The following TMEM234 variants were observed in gnomAD, a reference collection of about 807,000 sequenced individuals.
TMEM234 encodes chromosome 1 open reading frame 91.
Under a neutral mutation model 17.8 loss-of-function variants are expected in TMEM234, and 21 were observed. The ratio of observed to expected loss-of-function variants is 1.18; its 90% CI spans 0.84 to 1.70. TMEM234 has a LOEUF of 1.70. Among genes scored for constraint, TMEM234 ranks in the 40% most tolerant of loss-of-function variants. The pLI is 0.00. For missense variants in TMEM234, 137 were observed against 166.9 expected, an observed-to-expected ratio of 0.82 and a Z score of 0.99; for synonymous variants, 83 against 73.5, an observed-to-expected ratio of 1.13 and a Z score of -0.66.
downstream of TMEM234, chr1:32,215,235 A>C (rs1638278263): frequency 1.7e-6 from 1 of 599,816 alleles, no homozygotes; most frequent in Non-Finnish European, 2.9e-6. Flanking sequence ...GGCAGTGCTT[A>C]AAGCGATAAG....
chr1:32,222,169 G>T, intron 1 of TMEM234, 138 bp downstream of exon 1: 7 of 1,503,098 alleles, frequency 4.7e-6, no homozygotes, highest in Non-Finnish European at 5.3e-6. Context: ...GCAGGCCCAG[G>T]GAAGCTAGGG....
chr1:32,215,786 C>G (rs1415907874), downstream of TMEM234: 1 of 1,543,802 alleles, frequency 6.5e-7, no homozygotes, highest in Admixed American at 2.0e-5. Flanking sequence ...TCTGTATGGC[C>G]TTCCACCTCC....
chr1:32,219,517 T>A (rs1638702646), intron 3 of TMEM234, among the ~76,000 whole-genome samples: 1 of 152,098 alleles, frequency 6.6e-6, no homozygotes, highest in East Asian at 1.9e-4. Flanking sequence ...CTCAGCCTCC[T>A]GAGCAGCTAG....
intron 1 of TMEM234, 134 bp from the exon 2 acceptor site, chr1:32,222,152 G>C (rs1300036811): frequency 7.3e-6 from 11 of 1,500,998 alleles, no homozygotes; most frequent in African/African-American, 2.8e-5. Flanking sequence ...TGCGACTGGC[G>C]GCTAAGGCAG....
At chr1:32,221,520 T>C (rs879746965) in intron 2 of TMEM234, among the ~76,000 whole-genome samples, 1 of 152,112 alleles carries the variant, frequency 6.6e-6, no homozygotes, top group Non-Finnish European at 1.5e-5. Context: ...GCAGGGCCAA[T>C]TTGAGCCCCA....
In TMEM234 at chr1:32,217,352, C is replaced by T. The variant is rs202213164; in HGVS notation, c.236-1G>A. ...CAGATGGGCACAGCCAGGGTCAGAT[C>T]TGGGTGGTCAGAATGAAAAGAATGC... On this transcript the variant is annotated splice_acceptor_variant, in intron 3 of 4. Transcript: ENST00000309777. LOFTEE classifies it high-confidence loss of function. The T allele has an allele frequency of 1.2e-6, 2 of 1,604,928 alleles. No individual in the cohort carries two copies. Among genetic ancestry groups the T allele is most frequent in the East Asian group, 2.2e-5 (1 of 44,682 alleles).
At chr1:32,217,094 G>T in intron 4 of TMEM234, 147 bp from the exon 5 acceptor site, 6 of 1,565,110 alleles carry the variant, frequency 3.8e-6, no homozygotes, top group Non-Finnish European at 5.2e-6. Flanking sequence ...CAGGGGAAGG[G>T]AACTCTGATG....
intron 3 of TMEM234, among the ~76,000 whole-genome samples, chr1:32,220,221 G>A (rs956900165): frequency 1.3e-5 from 2 of 152,116 alleles, no homozygotes; most frequent in African/African-American, 2.4e-5. Context: ...GTTGCCCAGG[G>A]ACTGGAGTGC....
At chr1:32,222,086 C>T (rs1438464419) in intron 1 of TMEM234, 68 bp from the exon 2 acceptor site, 1 of 1,514,300 alleles carries the variant, frequency 6.6e-7, no homozygotes, top group East Asian at 2.3e-5. Flanking sequence ...CCTCTCCTGG[C>T]CTTCTAGCCC....
In TMEM234 at chr1:32,221,192, C is replaced by T; in HGVS notation, c.174G>A (p.Leu58=). ...MKTLFLNTEY[L]MPFLLNQCGS... ...CACACTGGTTGAGGAGAAAGGGCAT[C>T]AGGTACTGGAAAGAGGAGAAACCTG... Residue 58 remains leucine (L), a synonymous_variant, in exon 3 of 5, where the codon CTG becomes CTA. Coordinates refer to ENST00000309777, the MANE Select transcript of TMEM234 (RefSeq NM_019118.5). 1 of 1,613,268 alleles carries T rather than the reference C, an allele frequency of 6.2e-7. No individual in the cohort carries two copies. The highest frequency in any genetic ancestry group is 8.5e-7 in the Non-Finnish European group (1 of 1,179,654).
chr1:32,221,287 G>A lies in TMEM234; in HGVS notation c.169-90C>T, dbSNP rs907642238. On this transcript the variant is annotated intron_variant, in intron 2 of 4. Coordinates refer to ENST00000309777, the MANE Select transcript of TMEM234 (RefSeq NM_019118.5). Reference sequence around the variant, plus strand: ...CTCCTAGCGAATGTCTTTCCTTGGAGGGAGGCAGGGTTATAAGGACCCAGA... The same window carrying A: ...CTCCTAGCGAATGTCTTTCCTTGGAAGGAGGCAGGGTTATAAGGACCCAGA... 5.4e-5 allele frequency: 55 copies of A among 1,020,264 alleles called. 1 individual carries two copies. The highest frequency in any genetic ancestry group is 8.0e-5 in the Non-Finnish European group (53 of 663,102). The allele number at this position is 1,020,264 out of a possible 1,614,324, so 63.2% of individuals were successfully genotyped here. A position where few individuals can be genotyped will look rare whatever the true frequency, so the allele number is the denominator to read the frequency against.
chr1:32,220,074 A>C (rs529965193), intron 3 of TMEM234, among the ~76,000 whole-genome samples: 1 of 152,222 alleles, frequency 6.6e-6, no homozygotes, highest in Non-Finnish European at 1.5e-5. Context: ...AACTTGGTGA[A>C]TGGCTACCTG....
chr1:32,215,225 G>C (rs1638277321), downstream of TMEM234: 2 of 592,510 alleles, frequency 3.4e-6, no homozygotes, highest in Non-Finnish European at 5.8e-6. Context: ...ACCTGGAAAG[G>C]GCAGTGCTTA....
chr1:32,221,970 T>C lies in TMEM234; in HGVS notation c.65A>G (p.Gln22Arg), dbSNP rs1286839704. ...GGCGGAGGCCCGCTTCAGCAGCGGCTGCGTGCCACCCCACAGAGCGGCCAC... is the reference window on the plus strand; with the variant it reads ...GGCGGAGGCCCGCTTCAGCAGCGGCCGCGTGCCACCCCACAGAGCGGCCAC... ...VLVAALWGGT[Q>R]PLLKRASAGL... The change falls in exon 2 of 5, where the codon CAG becomes CGG. Residue 22 changes from glutamine to arginine, a missense_variant. Gln to Arg is a conservative substitution (Grantham distance 43, BLOSUM62 1). Coordinates refer to ENST00000309777, the MANE Select transcript of TMEM234 (RefSeq NM_019118.5). 6 of 1,612,784 alleles carry C rather than the reference T, an allele frequency of 3.7e-6. No homozygotes were observed. Among genetic ancestry groups the C allele is most frequent in the Non-Finnish European group, 5.1e-6 (6 of 1,179,886 alleles).
At chr1:32,217,792 C>A (rs914790055) in intron 3 of TMEM234, among the ~76,000 whole-genome samples, 1 of 152,172 alleles carries the variant, frequency 6.6e-6, no homozygotes, top group Non-Finnish European at 1.5e-5. Context: ...GGGATTATCA[C>A]CATTTTGCGT....
intron 4 of TMEM234, 153 bp downstream of exon 4, chr1:32,217,106 C>T (rs1291526648): frequency 6.4e-7 from 1 of 1,567,146 alleles, no homozygotes; most frequent in Admixed American, 1.9e-5. Context: ...ACTCTGATGG[C>T]CACAAGGAAG....
chr1:32,215,992 C>T (rs552622580), downstream of TMEM234: 124 of 1,070,966 alleles, frequency 1.2e-4, no homozygotes, highest in African/African-American at 1.6e-3. Flanking sequence ...CCAGCACCTC[C>T]GCTGGGCTCA....
In TMEM234 at chr1:32,216,957, T is replaced by C. The variant is rs12129323; in HGVS notation, c.329-10A>G. 0.017 allele frequency: 27,842 copies of C among 1,614,122 alleles called. 313 individuals are homozygous for C. The highest frequency in any genetic ancestry group is 0.02 in the Non-Finnish European group (23,530 of 1,180,002). On this transcript the variant is annotated splice_polypyrimidine_tract_variant and intron_variant, in intron 4 of 4. Coordinates refer to ENST00000309777, the MANE Select transcript of TMEM234 (RefSeq NM_019118.5). ...ATGCCAGCAACTGCTCCTGGGATAA[T>C]AGGCAGAAATCAGGAGGGTCTGAGC...
chr1:32,214,807 A>G, downstream of TMEM234: 1 of 1,614,016 alleles, frequency 6.2e-7, no homozygotes, highest in South Asian at 1.1e-5. Context: ...GCCCAAGGCC[A>G]CAGGGCCCAG....
Sources: gnomAD v4.1 joint callset for allele counts (sites outside exome capture counted in the v4.1 genomes callset) on GRCh38, gnomAD v4.1.1 for gene constraint, MANE v1.5 for transcripts, NCBI Gene and HGNC (gene_info 2026-07-23, HGNC 2026-07-21) for gene names.